The following ETV6 variants were observed in gnomAD, a reference collection of about 807,000 sequenced individuals.
ETV6 encodes the protein ETS variant transcription factor 6.
A neutral mutation model predicts 51.1 loss-of-function variants in ETV6; 16 were observed. That is an observed-to-expected ratio of 0.31 (90% confidence interval 0.21 to 0.48). ETV6 has a LOEUF of 0.48. Ranked by LOEUF, ETV6 falls within the 20% of genes least tolerant of loss-of-function variation. ETV6 has a pLI of 0.99. For synonymous variants in ETV6, 240 were observed against 224.1 expected (o/e 1.07, Z -0.64); for missense variants, 458 against 594.8 (o/e 0.77, Z 2.39).
rs117198061 is a variant in ETV6, at chr12:11,707,329, C to T, written c.34-45121C>T. 3.9e-3 allele frequency among the ~76,000 whole-genome samples: 591 copies of T among 152,310 alleles called. 5 individuals carry two copies. Among genetic ancestry groups the T allele is most frequent in the Non-Finnish European group, 6.3e-3 (426 of 68,016 alleles). ...AGGCTTGCTGTGGCAGGCAGGCTCA[C>T]CTGCTAGAGGTGGTCTCCTGGCTTA... On this transcript the variant is annotated intron_variant, in intron 1 of 7. Coordinates refer to ENST00000396373, the MANE Select transcript of ETV6 (RefSeq NM_001987.5).
rs527948705 is a variant in ETV6, at chr12:11,872,609, T to C, written c.1009+2640T>C. Among the ~76,000 whole-genome samples, 91 of 151,584 alleles carry C rather than the reference T, an allele frequency of 6.0e-4. 1 individual carries two copies. Among genetic ancestry groups the C allele is most frequent in the African/African-American group, 2.1e-3 (89 of 41,414 alleles). On this transcript the variant is annotated intron_variant, in intron 5 of 7. Coordinates refer to ENST00000396373, the MANE Select transcript of ETV6 (RefSeq NM_001987.5). ...CCTAGGTTCAAGTGATTCTCGTGCCTCAGCCTCCTGAGTAGCAGGGATTAC... is the reference window on the plus strand; with the variant it reads ...CCTAGGTTCAAGTGATTCTCGTGCCCCAGCCTCCTGAGTAGCAGGGATTAC...
chr12:11,794,137 G>A (rs1405882293), intron 2 of ETV6, among the ~76,000 whole-genome samples: 1 of 152,200 alleles, frequency 6.6e-6, no homozygotes, highest in Non-Finnish European at 1.5e-5. Context: ...GGAAGTCAGA[G>A]AAGGAGCAGT....
intron 1 of ETV6, among the ~76,000 whole-genome samples, chr12:11,716,072 C>G (rs1453337928): frequency 6.6e-6 from 1 of 151,936 alleles, no homozygotes; most frequent in East Asian, 1.9e-4. Flanking sequence ...TGTTTAAGAC[C>G]ATTTGGGGCC....
At chr12:11,764,526 A>C (rs1048538240) in intron 2 of ETV6, among the ~76,000 whole-genome samples, 1 of 152,236 alleles carries the variant, frequency 6.6e-6, no homozygotes, top group African/African-American at 2.4e-5. Flanking sequence ...GGGAGTATAA[A>C]TCTGAATCCT....
At chr12:11,878,760 G>C (rs943056053) in intron 5 of ETV6, among the ~76,000 whole-genome samples, 3 of 150,676 alleles carry the variant, frequency 2.0e-5, no homozygotes, top group African/African-American at 7.3e-5. Flanking sequence ...ACACACACCT[G>C]GCTGCACTGG....
Position 11,869,276 on chromosome 12 carries a change from A to C in ETV6, c.464-148A>C. On this transcript the variant is annotated intron_variant, in intron 4 of 7. Transcript: ENST00000396373. The surrounding 1 kb of genome is among the most constrained non-coding windows in gnomAD (Gnocchi z 5.0). ...AAAAATATGCACCCTTCAAATTGTTAAGCAGTGAAAAAGACACTGCATTCT... is the reference window on the plus strand; with the variant it reads ...AAAAATATGCACCCTTCAAATTGTTCAGCAGTGAAAAAGACACTGCATTCT... 1 of 675,304 alleles carries C rather than the reference A, an allele frequency of 1.5e-6. No homozygotes were observed. 41.8% of individuals were successfully genotyped at this position (675,304 alleles called of 1,614,324 possible).
chr12:11,693,295 G>T lies in ETV6; in HGVS notation c.33+43135G>T, dbSNP rs149443034. On this transcript the variant is annotated intron_variant, in intron 1 of 7. Coordinates refer to ENST00000396373, the MANE Select transcript of ETV6 (RefSeq NM_001987.5). ...GCTTTGACTGTAACATGCAGCGTAT[G>T]CAGTTCCTGGAGGCAGATGAGGGAA... 5.3e-3 allele frequency among the ~76,000 whole-genome samples: 814 copies of T among 152,302 alleles called. 9 individuals are homozygous for T. Among genetic ancestry groups the T allele is most frequent in the African/African-American group, 0.019 (777 of 41,560 alleles).
intron 1 of ETV6, among the ~76,000 whole-genome samples, chr12:11,699,115 A>C (rs532436855): frequency 1.3e-5 from 2 of 152,248 alleles, no homozygotes; most frequent in Non-Finnish European, 2.9e-5. Flanking sequence ...GGATAATTGT[A>C]ATAGGTTGCC....
At chr12:11,861,402 A>T (rs1946715215) in intron 4 of ETV6, among the ~76,000 whole-genome samples, 1 of 151,652 alleles carries the variant, frequency 6.6e-6, no homozygotes, top group Non-Finnish European at 1.5e-5. Context: ...TTACCTTCTG[A>T]CCCTTGCCCC....
At chr12:11,782,197 T>G (rs1038827012) in intron 2 of ETV6, among the ~76,000 whole-genome samples, 3 of 152,210 alleles carry the variant, frequency 2.0e-5, no homozygotes, top group African/African-American at 7.2e-5. Flanking sequence ...GTACCCTCTT[T>G]CACTTTACTC....
intron 2 of ETV6, among the ~76,000 whole-genome samples, chr12:11,817,968 T>C (rs941088737): frequency 3.0e-4 from 45 of 152,186 alleles, no homozygotes; most frequent in African/African-American, 1.1e-3. Context: ...AAAGGAGATG[T>C]GAGTTTCCAC....
At chr12:11,822,244 C>T (rs1946092612) in intron 2 of ETV6, among the ~76,000 whole-genome samples, 1 of 152,190 alleles carries the variant, frequency 6.6e-6, no homozygotes, top group Non-Finnish European at 1.5e-5. Context: ...AAAATGAGTG[C>T]TCAGCAGTTA....
intron 1 of ETV6, among the ~76,000 whole-genome samples, chr12:11,731,531 GA>G: frequency 6.6e-6 from 1 of 152,144 alleles, no homozygotes; most frequent in Non-Finnish European, 1.5e-5. Context: ...CTTAAGAAGA[GA>G]AGAGAAAGAA....
intron 1 of ETV6, among the ~76,000 whole-genome samples, chr12:11,660,425 T>C (rs1030702097): frequency 5.3e-5 from 8 of 151,846 alleles, no homozygotes; most frequent in Non-Finnish European, 8.8e-5. Context: ...GCCAACATGG[T>C]GAAACCCTGT....
intron 2 of ETV6, chr12:11,768,973 G>T (rs1448548461): frequency 2.1e-6 from 1 of 479,564 alleles, no homozygotes. Flanking sequence ...GTTTAACAAG[G>T]ATTGATTGAA....
At chr12:11,693,426 G>A (rs563557372) in intron 1 of ETV6, among the ~76,000 whole-genome samples, 2 of 152,178 alleles carry the variant, frequency 1.3e-5, no homozygotes, top group African/African-American at 4.8e-5. Context: ...ATCTGGGTCT[G>A]TGCTACTTAG....
intron 5 of ETV6, among the ~76,000 whole-genome samples, chr12:11,881,443 T>C (rs1374033605): frequency 1.3e-5 from 2 of 152,196 alleles, no homozygotes; most frequent in Non-Finnish European, 2.9e-5. Context: ...TGGTACGCAA[T>C]AGATACGGAT....
chr12:11,693,467 A>G (rs942038659), intron 1 of ETV6, among the ~76,000 whole-genome samples: 1 of 152,180 alleles, frequency 6.6e-6, no homozygotes, highest in African/African-American at 2.4e-5. Context: ...CCTTGGTGGC[A>G]TATCCAGTTG....
chr12:11,750,650 G>A (rs1866004353), intron 1 of ETV6, among the ~76,000 whole-genome samples: 2 of 152,184 alleles, frequency 1.3e-5, no homozygotes, highest in South Asian at 4.1e-4. Flanking sequence ...TAGACATATA[G>A]TGGGATTTGG....
Sources: allele counts gnomAD v4.1 joint callset (sites outside exome capture counted in the v4.1 genomes callset), GRCh38; gene constraint gnomAD v4.1.1; non-coding constraint Gnocchi (gnomAD v3.1); transcripts MANE v1.5; gene names NCBI Gene and HGNC (gene_info 2026-07-23, HGNC 2026-07-21).